The following SSPN variants were observed in gnomAD, a reference collection of about 807,000 sequenced individuals.
The protein encoded by SSPN is K-ras oncogene-associated protein.
In SSPN, 15 loss-of-function variants were observed where a neutral mutation model predicts 19.1. The observed-to-expected ratio is 0.78, with a 90% CI of 0.52 to 1.21. SSPN has a LOEUF of 1.21. Among genes scored for constraint, SSPN ranks in the 50% most tolerant of loss-of-function variants. The pLI is 0.00. For synonymous variants in SSPN, 147 were observed against 140.3 expected, an observed-to-expected ratio of 1.05 and a Z score of -0.34; for missense variants, 291 against 314.0, an observed-to-expected ratio of 0.93 and a Z score of 0.55.
At chr12:26,191,049 G>C (rs1357098828), upstream of SSPN, among the ~76,000 whole-genome samples, 2 of 152,186 alleles carry the variant, frequency 1.3e-5, no homozygotes, top group African/African-American at 4.8e-5. Flanking sequence ...TCAGCACACT[G>C]TTAATGAGAT....
At chr12:26,225,420 TATG>T (rs1945166935) in intron 2 of SSPN, among the ~76,000 whole-genome samples, 1 of 152,284 alleles carries the variant, frequency 6.6e-6, no homozygotes, top group Admixed American at 6.5e-5. Flanking sequence ...ACACAAAATG[TATG>T]ATATTATCCT....
intron 1 of SSPN, among the ~76,000 whole-genome samples, chr12:26,136,113 A>G (rs1944423602): frequency 6.6e-6 from 1 of 152,226 alleles, no homozygotes; most frequent in Non-Finnish European, 1.5e-5. Flanking sequence ...TCTCTAAACA[A>G]TACAGTTTAT....
At chr12:26,220,013 G>C (rs973084289) in intron 1 of SSPN, among the ~76,000 whole-genome samples, 2 of 152,174 alleles carry the variant, frequency 1.3e-5, no homozygotes, top group East Asian at 3.9e-4. Flanking sequence ...ATTAACATGA[G>C]CTCCCCCTTC....
chr12:26,156,159 T>C (rs1040882633), intron 1 of SSPN, among the ~76,000 whole-genome samples: 4 of 152,218 alleles, frequency 2.6e-5, no homozygotes, highest in Non-Finnish European at 4.4e-5. Context: ...TGCACAAATA[T>C]AATCTCCTTT....
At chr12:26,161,793 T>G (rs1944590661) in intron 1 of SSPN, among the ~76,000 whole-genome samples, 1 of 152,174 alleles carries the variant, frequency 6.6e-6, no homozygotes. Flanking sequence ...AGTTAGATTT[T>G]CATAAAGAGC....
chr12:26,212,287 A>G (rs188760131), intron 1 of SSPN, among the ~76,000 whole-genome samples: 79 of 152,306 alleles, frequency 5.2e-4, no homozygotes, highest in African/African-American at 1.8e-3. Context: ...ATGACAGTTA[A>G]AATAATAAAG....
chr12:26,153,979 A>T (rs1944541696), intron 1 of SSPN, among the ~76,000 whole-genome samples: 1 of 152,124 alleles, frequency 6.6e-6, no homozygotes, highest in Admixed American at 6.5e-5. Context: ...CAATGAAAGA[A>T]CTCAGTCATG....
At chr12:26,214,749 C>T (rs1945027864) in intron 1 of SSPN, 1 of 151,942 alleles carries the variant, frequency 6.6e-6, no homozygotes, top group African/African-American at 2.4e-5. Context: ...GGAAAGAGTA[C>T]ATTTTGTGTT....
At chr12:26,172,644 G>A (rs1018840881) in intron 1 of SSPN, among the ~76,000 whole-genome samples, 10 of 152,068 alleles carry the variant, frequency 6.6e-5, no homozygotes, top group South Asian at 2.1e-4. Flanking sequence ...TTGGCTCTAC[G>A]CCAAGATTAA....
Position 26,234,769 on chromosome 12 carries a change from C to A in SSPN, c.*3693C>A, listed in dbSNP as rs371330928. The A allele has an allele frequency of 3.3e-5, 5 of 152,162 alleles. No individual in the cohort carries two copies. The highest frequency in any genetic ancestry group is 7.4e-5 in the Non-Finnish European group (5 of 68,018). 9.4% of individuals were successfully genotyped at this position (152,162 alleles called of 1,614,324 possible). A position where few individuals can be genotyped will look rare whatever the true frequency, so the allele number is the denominator to read the frequency against. On this transcript the variant is annotated 3_prime_UTR_variant, in exon 3 of 3. Transcript: ENST00000242729. The stretch of plus-strand genomic sequence containing the variant: ...TCTTTATTAATAAAATTTTCATAAT[C>A]TCTGAAAACACTGTTTGGACGTGCT...
At chr12:26,133,924 T>C (rs1245125718) in intron 1 of SSPN, among the ~76,000 whole-genome samples, 4 of 152,252 alleles carry the variant, frequency 2.6e-5, no homozygotes, top group Admixed American at 2.6e-4. Flanking sequence ...TATCTCACAC[T>C]TGTATCCACT....
intron 1 of SSPN, among the ~76,000 whole-genome samples, chr12:26,203,839 T>A (rs1393337574): frequency 1.3e-5 from 2 of 152,154 alleles, no homozygotes; most frequent in Non-Finnish European, 2.9e-5. Context: ...CTTCCTGGCT[T>A]GCAGGCGGCT....
chr12:26,165,512 G>A (rs533558415), intron 1 of SSPN, among the ~76,000 whole-genome samples: 4 of 152,330 alleles, frequency 2.6e-5, no homozygotes, highest in Admixed American at 2.6e-4. Flanking sequence ...CATTGAAGAA[G>A]TATGAAAAGT....
At chr12:26,176,370 C>T (rs1406457653) in intron 1 of SSPN, among the ~76,000 whole-genome samples, 1 of 152,136 alleles carries the variant, frequency 6.6e-6, no homozygotes, top group Non-Finnish European at 1.5e-5. Flanking sequence ...AAAGGGGAGA[C>T]TATGAGAGAT....
chr12:26,218,890 A>C (rs1379081314), intron 1 of SSPN, among the ~76,000 whole-genome samples: 1 of 152,212 alleles, frequency 6.6e-6, no homozygotes, highest in African/African-American at 2.4e-5. Context: ...AATCCATAGA[A>C]ATTCTCTTAA....
At chr12:26,184,092 A>C (rs1042462484) in intron 1 of SSPN, among the ~76,000 whole-genome samples, 1 of 152,224 alleles carries the variant, frequency 6.6e-6, no homozygotes. Context: ...GGAATCCAAT[A>C]AGCCCACAGT....
intron 1 of SSPN, among the ~76,000 whole-genome samples, chr12:26,201,521 A>T (rs1944885241): frequency 6.7e-6 from 1 of 148,864 alleles, no homozygotes; most frequent in Non-Finnish European, 1.5e-5. Flanking sequence ...TTTCGCCTCT[A>T]CTTACAGCCT....
At chr12:26,122,456 G>C in intron 1 of SSPN, 1 of 1,357,232 alleles carries the variant, frequency 7.4e-7, no homozygotes, top group Non-Finnish European at 9.6e-7. Flanking sequence ...AAGGCGAGAG[G>C]AAGCAGAAGG....
intron 1 of SSPN, among the ~76,000 whole-genome samples, chr12:26,142,677 G>A (rs1944467475): frequency 1.3e-5 from 2 of 152,216 alleles, no homozygotes; most frequent in Admixed American, 1.3e-4. Context: ...TGGAATATGT[G>A]ATATGAGTGG....
Sources: gnomAD v4.1 joint callset for allele counts (sites outside exome capture counted in the v4.1 genomes callset) on GRCh38, gnomAD v4.1.1 for gene constraint, MANE v1.5 for transcripts, NCBI Gene and HGNC (gene_info 2026-07-23, HGNC 2026-07-21) for gene names.